Variants in LETM1 observed in about 807,000 individuals in gnomAD.
LETM1 encodes the protein mitochondrial proton/calcium exchanger protein.
In LETM1, 50 loss-of-function variants were observed where a neutral mutation model predicts 74.5. The observed-to-expected ratio is 0.67, with a 90% CI of 0.53 to 0.85. The LOEUF (loss-of-function observed/expected upper bound fraction) is 0.85. LETM1 is among the 40% of genes least tolerant of loss of function. The probability of loss-of-function intolerance (pLI) is 0.00; values close to 1 mark genes in which losing one functional copy is unlikely to be tolerated. For synonymous variants in LETM1, 446 were observed against 407.1 expected (o/e 1.10, Z -1.15); for missense variants, 824 against 967.8 (o/e 0.85, Z 1.97).
chr4:1,826,206 C>G (rs1366563598), intron 6 of LETM1, among the ~76,000 whole-genome samples: 1 of 152,206 alleles, frequency 6.6e-6, no homozygotes, highest in Non-Finnish European at 1.5e-5. Flanking sequence ...AAGAGAGACA[C>G]GGAGAAGTAA....
At chr4:1,855,287 G>C (rs919849164) in intron 1 of LETM1, among the ~76,000 whole-genome samples, 1 of 152,252 alleles carries the variant, frequency 6.6e-6, no homozygotes, top group Non-Finnish European at 1.5e-5. Context: ...ATTCACTCCA[G>C]ACAGCACCTG....
intron 2 of LETM1, among the ~76,000 whole-genome samples, chr4:1,844,886 GAAAAAAA>G (rs971183682): frequency 5.9e-5 from 3 of 51,046 alleles, no homozygotes; most frequent in East Asian, 6.5e-4. Flanking sequence ...TGTCTCTACA[GAAAAAAA>G]AAAAAAAAAA....
rs997585392 is a variant in LETM1, at chr4:1,825,607, G to A, written c.1157C>T (p.Ala386Val). ...CAGGCGGTCTTCCGTGACGCCCAGG[G>A]CCCGCATGCCTCGTGCCCGACACGC... is the stretch of plus-strand genomic sequence containing the variant. ...QAACRARGMR[A>V]LGVTEDRLRG... Residue 386 changes from alanine to valine, a missense_variant, in exon 7 of 14, where the codon GCC becomes GTC. Around this residue, in one of 4 missense-constraint regions of LETM1, gnomAD observed 269 missense variants for 348.8 expected, o/e 0.77. Coordinates refer to ENST00000302787, the MANE Select transcript of LETM1 (RefSeq NM_012318.3). 6.2e-7 allele frequency: 1 copy of A among 1,613,914 alleles called. No homozygotes were observed. The highest frequency in any genetic ancestry group is 8.5e-7 in the Non-Finnish European group (1 of 1,179,924).
At chr4:1,854,282 C>G (rs1382335394) in intron 1 of LETM1, among the ~76,000 whole-genome samples, 1 of 147,950 alleles carries the variant, frequency 6.8e-6, no homozygotes, top group Non-Finnish European at 1.5e-5. Context: ...GAGTTCAAGA[C>G]CGGCCTGACC....
chr4:1,822,106 C>T, intron 10 of LETM1, 75 bp downstream of exon 10: 1 of 1,322,686 alleles, frequency 7.6e-7, no homozygotes, highest in Non-Finnish European at 9.8e-7. Context: ...CTGTCCCCAT[C>T]CCTGCCCCAC....
intron 9 of LETM1, 36 bp from the exon 10 acceptor site, chr4:1,822,348 A>G (rs1157848054): frequency 1.4e-6 from 2 of 1,432,202 alleles, no homozygotes; most frequent in Non-Finnish European, 1.9e-6. Flanking sequence ...AGCGCCCGCC[A>G]TCACACAGAA....
In LETM1 at chr4:1,815,767, G is replaced by A. The variant is rs764451061; in HGVS notation, c.1967C>T (p.Ala656Val). The A allele has an allele frequency of 6.2e-7, 1 of 1,614,192 alleles. No individual in the cohort carries two copies. Among genetic ancestry groups the A allele is most frequent in the Admixed American group, 1.7e-5 (1 of 60,036 alleles). The change falls in exon 13 of 14, where the codon GCC becomes GTC. Residue 656 changes from alanine (A) to valine (V), a missense_variant. Physicochemically the swap from Ala to Val is moderately conservative, Grantham distance 64. This residue lies in a region of LETM1 where 161 missense variants were observed against 252.7 expected (regional missense o/e 0.64). Coordinates refer to ENST00000302787, the MANE Select transcript of LETM1 (RefSeq NM_012318.3). ...NVISVAELIN[A>V]MKQVKHIPES... ...GGGAATGTGCTTGACTTGCTTCATGGCGTTGATGAGCTCAGCGACACTGAT... is the reference window on the plus strand; with the variant it reads ...GGGAATGTGCTTGACTTGCTTCATGACGTTGATGAGCTCAGCGACACTGAT...
At chr4:1,828,685 T>C (rs1712122764) in intron 6 of LETM1, among the ~76,000 whole-genome samples, 1 of 115,182 alleles carries the variant, frequency 8.7e-6, no homozygotes, top group African/African-American at 3.5e-5. Context: ...GGCGGGGGGC[T>C]GACCCCCCAA....
intron 6 of LETM1, among the ~76,000 whole-genome samples, chr4:1,830,373 C>T (rs140699632): frequency 3.9e-5 from 6 of 152,242 alleles, no homozygotes; most frequent in African/African-American, 1.4e-4. Flanking sequence ...CCTCTGTTGC[C>T]CAGGCTGAGT....
intron 6 of LETM1, among the ~76,000 whole-genome samples, chr4:1,831,484 C>T (rs1712266629): frequency 6.6e-6 from 1 of 152,250 alleles, no homozygotes; most frequent in Admixed American, 6.5e-5. Flanking sequence ...TCCTGCTGGG[C>T]AGTGGTCAAA....
At chr4:1,850,230 G>C (rs1312372837) in intron 1 of LETM1, among the ~76,000 whole-genome samples, 1 of 152,168 alleles carries the variant, frequency 6.6e-6, no homozygotes, top group Non-Finnish European at 1.5e-5. Context: ...AGCCAGTTCT[G>C]AGTGTTGGAA....
At chr4:1,837,963 C>T (rs1471855938) in intron 3 of LETM1, among the ~76,000 whole-genome samples, 1 of 151,966 alleles carries the variant, frequency 6.6e-6, no homozygotes, top group East Asian at 1.9e-4. Context: ...GCACTGGCCT[C>T]CCAAAGTGCT....
intron 8 of LETM1, 60 bp downstream of exon 8, chr4:1,823,584 C>G: frequency 6.2e-7 from 1 of 1,604,108 alleles, no homozygotes. Flanking sequence ...TCCCCCCACC[C>G]CAGAAGAGCG....
chr4:1,830,429 C>T (rs768037310), intron 6 of LETM1, among the ~76,000 whole-genome samples: 1 of 152,188 alleles, frequency 6.6e-6, no homozygotes, highest in Non-Finnish European at 1.5e-5. Context: ...CTCCCAAGCT[C>T]GAGCAATCCT....
chr4:1,844,212 C>A (rs1712804680), intron 2 of LETM1, among the ~76,000 whole-genome samples: 1 of 152,224 alleles, frequency 6.6e-6, no homozygotes, highest in African/African-American at 2.4e-5. Context: ...ACAGTAACAT[C>A]CCCCGGCAAA....
At chr4:1,835,115 T>C in intron 4 of LETM1, 133 bp from the exon 5 acceptor site, 1 of 822,876 alleles carries the variant, frequency 1.2e-6, no homozygotes, top group South Asian at 1.8e-5. Flanking sequence ...CTAAGTGCAA[T>C]ACATTCTCAA....
In LETM1 at chr4:1,841,609, G is replaced by A. The variant is rs1461897001; in HGVS notation, c.332C>T (p.Ser111Leu). ...TACCGAGTCATCGCGAACAGGGCGC[G>A]AAGAGTGCCAGCCACGCACAGGAAG... ...QCLPVRGWHS[S>L]RPVRDDSVVE... Residue 111 changes from serine (S) to leucine (L), a missense_variant, in exon 3 of 14, where the codon TCG becomes TTG. Physicochemically the swap from Ser to Leu is moderately radical, Grantham distance 145 (BLOSUM62 -2). Transcript: ENST00000302787. 33 of 1,614,054 alleles carry A rather than the reference G, an allele frequency of 2.0e-5. No individual in the cohort carries two copies. Among genetic ancestry groups the A allele is most frequent in the Non-Finnish European group, 2.6e-5 (31 of 1,180,040 alleles).
intron 11 of LETM1, among the ~76,000 whole-genome samples, chr4:1,817,478 T>C (rs1217480393): frequency 6.6e-6 from 1 of 151,958 alleles, no homozygotes; most frequent in Non-Finnish European, 1.5e-5. Context: ...GGAGGATGGC[T>C]TGAGCCCAGG....
At chr4:1,833,035 C>G in intron 5 of LETM1, 88 bp from the exon 6 acceptor site, 3 of 1,184,736 alleles carry the variant, frequency 2.5e-6, no homozygotes, top group South Asian at 2.5e-5. Flanking sequence ...AGGGTGCTGC[C>G]TCTCATCCTC....
Sources: allele counts gnomAD v4.1 joint callset (sites outside exome capture counted in the v4.1 genomes callset), GRCh38; gene constraint gnomAD v4.1.1; regional missense constraint gnomAD v4.1.1; transcripts MANE v1.5; gene names NCBI Gene and HGNC (gene_info 2026-07-23, HGNC 2026-07-21).